Variants in PPP3CA observed in about 807,000 individuals in gnomAD.
The protein encoded by PPP3CA is protein phosphatase 3 catalytic subunit alpha.
A neutral mutation model predicts 66.5 loss-of-function variants in PPP3CA; 14 were observed. The ratio of observed to expected loss-of-function variants is 0.21; its 90% CI spans 0.14 to 0.33. The LOEUF (loss-of-function observed/expected upper bound fraction) is 0.33, where lower values mean the gene tolerates loss of function less well. PPP3CA is among the 10% of genes least tolerant of loss of function. The pLI is 1.00. For missense variants in PPP3CA, 317 were observed against 639.5 expected, an observed-to-expected ratio of 0.50 and a Z score of 5.44; for synonymous variants, 232 against 226.2, an observed-to-expected ratio of 1.03 and a Z score of -0.23.
At chr4:101,158,986 C>A (rs1346107711) in intron 2 of PPP3CA, among the ~76,000 whole-genome samples, 3 of 152,070 alleles carry the variant, frequency 2.0e-5, no homozygotes, top group Non-Finnish European at 4.4e-5. Flanking sequence ...AAACTTAAAC[C>A]AAGATAATAG....
At chr4:101,083,031 T>C (rs915007000) in intron 7 of PPP3CA, among the ~76,000 whole-genome samples, 155 bp downstream of exon 7, 2 of 152,188 alleles carry the variant, frequency 1.3e-5, no homozygotes, top group African/African-American at 4.8e-5. Context: ...CCTAGGACTC[T>C]GTCATACCTG....
intron 2 of PPP3CA, among the ~76,000 whole-genome samples, chr4:101,185,192 A>C (rs540786224): frequency 6.6e-6 from 1 of 152,268 alleles, no homozygotes; most frequent in East Asian, 1.9e-4. Context: ...ATTTCAGACA[A>C]GATTTGCGAG....
intron 2 of PPP3CA, among the ~76,000 whole-genome samples, chr4:101,119,143 A>T (rs987711915): frequency 6.6e-6 from 1 of 152,034 alleles, no homozygotes; most frequent in African/African-American, 2.4e-5. Flanking sequence ...ATCTGTAATC[A>T]ATGTGGCCAT....
chr4:101,159,017 G>A (rs1421937639), intron 2 of PPP3CA, among the ~76,000 whole-genome samples: 2 of 152,170 alleles, frequency 1.3e-5, no homozygotes, highest in African/African-American at 4.8e-5. Flanking sequence ...AGCTTCCTCT[G>A]GGGGTTTGGC....
intron 12 of PPP3CA, among the ~76,000 whole-genome samples, 167 bp from the exon 13 acceptor site, chr4:101,029,362 A>G (rs914562005): frequency 1.9e-5 from 2 of 104,636 alleles, no homozygotes; most frequent in Admixed American, 9.2e-5. Context: ...AAAAAAAAAA[A>G]AAAAAAAAAA....
At position 101,218,953 on chromosome 4, in the gene PPP3CA, A is replaced by T. The variant is rs1725537492; in HGVS notation, c.59-22837T>A. Among the ~76,000 whole-genome samples the T allele has an allele frequency of 2.6e-5, 4 of 152,176 alleles. No individual in the cohort carries two copies. In the South Asian group the frequency reaches 8.3e-4, roughly 32 times the overall value. ...CACATACTTCTTCCCAGCACAAATA[A>T]ACGCATTGTCCCTTTGAAAACACCT... On this transcript the variant is annotated intron_variant, in intron 1 of 13. Coordinates refer to ENST00000394854, the MANE Select transcript of PPP3CA (RefSeq NM_000944.5).
At chr4:101,037,955 A>T (rs2110209327) in intron 11 of PPP3CA, among the ~76,000 whole-genome samples, 1 of 152,342 alleles carries the variant, frequency 6.6e-6, no homozygotes, top group Admixed American at 6.5e-5. Flanking sequence ...AGTTTTGAGT[A>T]AGACTCTCAT....
intron 7 of PPP3CA, among the ~76,000 whole-genome samples, chr4:101,080,895 T>G (rs1729406646): frequency 6.6e-6 from 1 of 152,164 alleles, no homozygotes; most frequent in Admixed American, 6.5e-5. Flanking sequence ...AGGGTGGAAT[T>G]CATTGGAAAA....
intron 1 of PPP3CA, among the ~76,000 whole-genome samples, chr4:101,331,760 A>G (rs114645964): frequency 0.013 from 1,952 of 152,312 alleles, 48 homozygotes; most frequent in African/African-American, 0.045. Context: ...AAATGTTCTC[A>G]GCTCCCAAAA....
intron 1 of PPP3CA, among the ~76,000 whole-genome samples, chr4:101,263,694 A>G (rs1037823247): frequency 6.6e-6 from 1 of 151,830 alleles, no homozygotes; most frequent in Non-Finnish European, 1.5e-5. Flanking sequence ...CGTGCTGACC[A>G]CTAGAAGCAT....
At chr4:101,258,410 C>A (rs535932068) in intron 1 of PPP3CA, among the ~76,000 whole-genome samples, 1 of 152,190 alleles carries the variant, frequency 6.6e-6, no homozygotes, top group African/African-American at 2.4e-5. Context: ...ACTGTCCACA[C>A]CTGAGTCTTC....
intron 11 of PPP3CA, among the ~76,000 whole-genome samples, chr4:101,039,568 C>T (rs570776057): frequency 1.4e-5 from 2 of 144,174 alleles, no homozygotes; most frequent in South Asian, 2.4e-4. Flanking sequence ...GATGTGGTGT[C>T]TCTGAGAGAG....
chr4:101,222,277 T>A (rs576745444), intron 1 of PPP3CA, among the ~76,000 whole-genome samples: 1 of 151,634 alleles, frequency 6.6e-6, no homozygotes, highest in South Asian at 2.1e-4. Context: ...TAATTTCAAA[T>A]ATATATGTGA....
chr4:101,029,604 TA>T (rs1726847192), intron 12 of PPP3CA, among the ~76,000 whole-genome samples: 1 of 151,856 alleles, frequency 6.6e-6, no homozygotes, highest in African/African-American at 2.4e-5. Flanking sequence ...GATTTAGTTT[TA>T]AAATGCCAGA....
At chr4:101,228,925 A>C (rs1376342224) in intron 1 of PPP3CA, among the ~76,000 whole-genome samples, 1 of 151,650 alleles carries the variant, frequency 6.6e-6, no homozygotes, top group Non-Finnish European at 1.5e-5. Context: ...TTGATTTTCC[A>C]ATTAATAAAA....
At chr4:101,087,060 T>C (rs1381587942) in intron 6 of PPP3CA, among the ~76,000 whole-genome samples, 3 of 152,146 alleles carry the variant, frequency 2.0e-5, no homozygotes, top group Non-Finnish European at 2.9e-5. Context: ...GATCCAGTAA[T>C]AGGGAAGACC....
At position 101,033,299 on chromosome 4, in the gene PPP3CA, C is replaced by A. The variant is rs879898712; in HGVS notation, c.1242-935G>T. ...AGACACACACACACACACAAACACA[C>A]ACACACACACACACACACACACACA... On this transcript the variant is annotated intron_variant, in intron 11 of 13. Transcript: ENST00000394854. Among the ~76,000 whole-genome samples the A allele has an allele frequency of 2.9e-4, 21 of 71,504 alleles. 1 individual carries two copies. The highest frequency in any genetic ancestry group is 1.2e-3 in the East Asian group (6 of 5,022). 46.9% of individuals were successfully genotyped at this position (71,504 alleles called of 152,430 possible). A position where few individuals can be genotyped will look rare whatever the true frequency, so the allele number is the denominator to read the frequency against.
intron 1 of PPP3CA, among the ~76,000 whole-genome samples, chr4:101,303,044 G>A (rs545600534): frequency 6.6e-6 from 1 of 152,206 alleles, no homozygotes; most frequent in African/African-American, 2.4e-5. Flanking sequence ...AAAAACTCTA[G>A]ACAAATTTTT....
chr4:101,315,431 TA>T (rs1728855319), intron 1 of PPP3CA, among the ~76,000 whole-genome samples: 1 of 152,146 alleles, frequency 6.6e-6, no homozygotes, highest in South Asian at 2.1e-4. Flanking sequence ...CAAGATCACA[TA>T]ATCAGTAAAA....
Sources: allele counts gnomAD v4.1 joint callset (sites outside exome capture counted in the v4.1 genomes callset), GRCh38; gene constraint gnomAD v4.1.1; transcripts MANE v1.5; gene names NCBI Gene and HGNC (gene_info 2026-07-23, HGNC 2026-07-21).